The following GCNT3 variants were observed in gnomAD, a reference collection of about 807,000 sequenced individuals.
GCNT3 encodes the protein beta-1,3-galactosyl-O-glycosyl-glycoprotein beta-1,6-N-acetylglucosaminyltransferase 3.
For synonymous variants in GCNT3, 269 were observed against 195.2 expected (o/e 1.38, Z -3.15); for missense variants, 708 against 530.3 (o/e 1.34, Z -3.29).
At chr15:59,613,472 G>A (rs551691661) in intron 1 of GCNT3, among the ~76,000 whole-genome samples, 6 of 151,036 alleles carry the variant, frequency 4.0e-5, no homozygotes, top group African/African-American at 1.2e-4. Flanking sequence ...AGGCTGAGGC[G>A]GGGAGATTGC....
At position 59,620,639 on chromosome 15, in the gene GCNT3, C is replaced by G. The variant is rs1336160984; in HGVS notation, c.*1084C>G. On this transcript the variant is annotated 3_prime_UTR_variant, in exon 3 of 3. Coordinates refer to ENST00000396065, the MANE Select transcript of GCNT3 (RefSeq NM_004751.3). Reference sequence around the variant, plus strand: ...GTACTCTTACAGGAAAATCGCAGCACTAATTCTAATTTTGTCCACTTTACA... The same window carrying G: ...GTACTCTTACAGGAAAATCGCAGCAGTAATTCTAATTTTGTCCACTTTACA... The G allele has an allele frequency of 6.0e-6, 1 of 166,944 alleles. No individual in the cohort carries two copies. Among genetic ancestry groups the G allele is most frequent in the African/African-American group, 2.4e-5 (1 of 41,384 alleles). 10.3% of individuals were successfully genotyped at this position (166,944 alleles called of 1,614,324 possible).
intron 1 of GCNT3, among the ~76,000 whole-genome samples, chr15:59,614,888 G>T (rs1228026936): frequency 6.6e-6 from 1 of 152,130 alleles, no homozygotes; most frequent in Non-Finnish European, 1.5e-5. Context: ...TCTTGTCTTT[G>T]CTGTGGCTTC....
intron 1 of GCNT3, among the ~76,000 whole-genome samples, chr15:59,612,830 C>A (rs1271577187): frequency 6.6e-6 from 1 of 152,120 alleles, no homozygotes; most frequent in Admixed American, 6.6e-5. Context: ...TGCAGCTCAT[C>A]CCTGGTCTTA....
At chr15:59,612,865 C>T (rs2082702568) in intron 1 of GCNT3, among the ~76,000 whole-genome samples, 1 of 152,060 alleles carries the variant, frequency 6.6e-6, no homozygotes, top group Non-Finnish European at 1.5e-5. Flanking sequence ...CTGAGGGTGA[C>T]AACTTACAAT....
intron 1 of GCNT3, chr15:59,615,357 C>T (rs1258633760): frequency 6.6e-6 from 1 of 152,158 alleles, no homozygotes; most frequent in Non-Finnish European, 1.5e-5. Context: ...CTCCTGTGAG[C>T]TCAGAGACCT....
At position 59,616,813 on chromosome 15, in the gene GCNT3, G is replaced by A. The variant is rs554206473; in HGVS notation, c.-129G>A. The A allele has an allele frequency of 6.6e-6, 1 of 152,334 alleles. No homozygotes were observed. The highest frequency in any genetic ancestry group is 6.5e-5 in the Admixed American group (1 of 15,310). The allele number at this position is 152,334 out of a possible 1,614,324, so 9.4% of individuals were successfully genotyped here. On this transcript the variant is annotated 5_prime_UTR_variant, in exon 2 of 3. Transcript: ENST00000396065. Reference sequence around the variant, plus strand: ...CATTTGCTGCCACGGAACACCGCCAGTCTTCACTTGGAAACAGAATCACGC... The same window carrying A: ...CATTTGCTGCCACGGAACACCGCCAATCTTCACTTGGAAACAGAATCACGC...
intron 1 of GCNT3, among the ~76,000 whole-genome samples, chr15:59,614,884 C>G (rs1479543340): frequency 6.6e-6 from 1 of 152,146 alleles, no homozygotes; most frequent in African/African-American, 2.4e-5. Context: ...ACTTTCTTGT[C>G]TTTGCTGTGG....
Position 59,622,536 on chromosome 15 carries a change from A to T in GCNT3, c.*2981A>T, listed in dbSNP as rs1890958162. On this transcript the variant is annotated 3_prime_UTR_variant, in exon 3 of 3. Transcript: ENST00000396065. ...CGGCCTCCCCCTGCTGGCTGATGTG[A>T]TGGTCCTTGGTCCTCCTCTGAAGGA... The T allele has an allele frequency of 6.6e-6, 1 of 152,032 alleles. No homozygotes were observed. Among genetic ancestry groups the T allele is most frequent in the Non-Finnish European group, 1.5e-5 (1 of 68,028 alleles). 9.4% of individuals were successfully genotyped at this position (152,032 alleles called of 1,614,324 possible).
At position 59,617,170 on chromosome 15, in the gene GCNT3, C is replaced by CTTTTTTTTTTT. The variant is rs373439386; in HGVS notation, c.-61+292_-61+293insTTTTTTTTTTT. On this transcript the variant is annotated intron_variant, in intron 2 of 2. Transcript: ENST00000396065. ...TTTTTCTTTATTTTTCTTTTGTTTT[C>CTTTTTTTTTTT]TTTCTTTCTTTTTTTTTTTTTAAAG... Among the ~76,000 whole-genome samples the CTTTTTTTTTTT allele has an allele frequency of 1.2e-3, 100 of 82,196 alleles. 2 individuals carry two copies. Among genetic ancestry groups the CTTTTTTTTTTT allele is most frequent in the Non-Finnish European group, 1.7e-3 (68 of 40,164 alleles). The allele number at this position is 82,196 out of a possible 152,430, so 53.9% of individuals were successfully genotyped here. A position where few individuals can be genotyped will look rare whatever the true frequency, so the allele number is the denominator to read the frequency against.
chr15:59,611,883 C>T lies in GCNT3; in HGVS notation c.-349C>T, dbSNP rs1454488851. 1 of 152,188 alleles carries T rather than the reference C, an allele frequency of 6.6e-6. No individual in the cohort carries two copies. The highest frequency in any genetic ancestry group is 1.5e-5 in the Non-Finnish European group (1 of 68,064). 9.4% of individuals were successfully genotyped at this position (152,188 alleles called of 1,614,324 possible). The stretch of plus-strand genomic sequence containing the variant: ...TGTTCTGGGAAGCCCTGGGATTCTG[C>T]TAATACCTATCACTGTAGGTGCTGA... On this transcript the variant is annotated 5_prime_UTR_variant, in exon 1 of 3. Coordinates refer to ENST00000396065, the MANE Select transcript of GCNT3 (RefSeq NM_004751.3).
At position 59,621,677 on chromosome 15, in the gene GCNT3, C is replaced by A. The variant is rs376746653; in HGVS notation, c.*2122C>A. 12 of 127,222 alleles carry A rather than the reference C, an allele frequency of 9.4e-5. 1 individual carries two copies. Among genetic ancestry groups the A allele is most frequent in the African/African-American group, 3.0e-4 (10 of 33,646 alleles). The allele number at this position is 127,222 out of a possible 1,614,324, so 7.9% of individuals were successfully genotyped here. On this transcript the variant is annotated 3_prime_UTR_variant, in exon 3 of 3. Coordinates refer to ENST00000396065, the MANE Select transcript of GCNT3 (RefSeq NM_004751.3). ...ATGGCGCAATCTTGGCTCATTACAA[C>A]CTCCGCCTCCTGGGTCCAAGCGATT...
At chr15:59,614,389 C>T (rs537373335) in intron 1 of GCNT3, among the ~76,000 whole-genome samples, 2 of 151,536 alleles carry the variant, frequency 1.3e-5, no homozygotes, top group Non-Finnish European at 2.9e-5. Flanking sequence ...CAGGGCGAGT[C>T]CGTAAAGTGA....
In GCNT3 at chr15:59,619,088, G is replaced by T; in HGVS notation, c.850G>T (p.Asp284Tyr). The T allele has an allele frequency of 6.2e-7, 1 of 1,614,042 alleles. No individual in the cohort carries two copies. ...ATTACACCTAACCAACAAGAAGAAG[G>T]ATCCTCCCCCTTATAATTTAACTAT... ...DTLHLTNKKK[D>Y]PPPYNLTMFT... The change falls in exon 3 of 3, where the codon GAT becomes TAT. Residue 284 changes from aspartate (D) to tyrosine (Y), a missense_variant. Transcript: ENST00000396065.
chr15:59,619,550 C>T lies in GCNT3; in HGVS notation c.1312C>T (p.Leu438Phe). The T allele has an allele frequency of 1.9e-6, 3 of 1,562,270 alleles. No homozygotes were observed. The South Asian group carries it at 3.5e-5, about 18-fold the overall frequency. ...TTATAAGGCCATCTATGGGACTGAACTTTGAGACACACTATGAGAGCGTTG... is the reference window on the plus strand; with the variant it reads ...TTATAAGGCCATCTATGGGACTGAATTTTGAGACACACTATGAGAGCGTTG... ...LRYKAIYGTE[L>F] is the part of the protein sequence containing the mutation. The change falls in exon 3 of 3, where the codon CTT (leucine) becomes TTT (phenylalanine). Residue 438 changes from leucine (L) to phenylalanine (F), a missense_variant. Physicochemically the swap from Leu to Phe is conservative, Grantham distance 22. Transcript: ENST00000396065.
chr15:59,617,175 T>G (rs1325617397), intron 2 of GCNT3, among the ~76,000 whole-genome samples: 10 of 118,026 alleles, frequency 8.5e-5, no homozygotes, highest in African/African-American at 3.1e-4. Flanking sequence ...GTTTTCTTTC[T>G]TTCTTTTTTT....
At position 59,618,337 on chromosome 15, in the gene GCNT3, G is replaced by A. The variant is rs752679149; in HGVS notation, c.99G>A (p.Leu33=). ...ATVALKLSFR[L]KCDSDHLGLE... ...TGGCTCTGAAACTTTCTTTCAGGTT[G>A]AAGTGTGACTCTGACCACTTGGGTC... The change falls in exon 3 of 3, where the codon TTG becomes TTA. Residue 33 remains leucine (L), a synonymous_variant. Coordinates refer to ENST00000396065, the MANE Select transcript of GCNT3 (RefSeq NM_004751.3). The A allele has an allele frequency of 1.9e-6, 3 of 1,613,932 alleles. No homozygotes were observed. Among genetic ancestry groups the A allele is most frequent in the Admixed American group, 1.7e-5 (1 of 60,012 alleles).
chr15:59,613,932 G>A (rs961265547), intron 1 of GCNT3, among the ~76,000 whole-genome samples: 1 of 152,138 alleles, frequency 6.6e-6, no homozygotes, highest in Non-Finnish European at 1.5e-5. Flanking sequence ...TGGAAGGATG[G>A]CTTGAACCCA....
chr15:59,618,210 G>A lies in GCNT3; in HGVS notation c.-29G>A, dbSNP rs373326206. ...GTCCTCCTCCACCTTCCCTGTGCTCGGTCTCCACCTGTCTCCCATTCTGTG... is the reference window on the plus strand; with the variant it reads ...GTCCTCCTCCACCTTCCCTGTGCTCAGTCTCCACCTGTCTCCCATTCTGTG... On this transcript the variant is annotated 5_prime_UTR_variant, in exon 3 of 3. Transcript: ENST00000396065. 2.1e-5 allele frequency: 27 copies of A among 1,281,450 alleles called. No homozygotes were observed. The highest frequency in any genetic ancestry group is 4.5e-5 in the African/African-American group (3 of 67,392). 79.4% of individuals were successfully genotyped at this position (1,281,450 alleles called of 1,614,324 possible). A position where few individuals can be genotyped will look rare whatever the true frequency, so the allele number is the denominator to read the frequency against.
At position 59,620,849 on chromosome 15, in the gene GCNT3, T is replaced by G. The variant is rs914191292; in HGVS notation, c.*1294T>G. 1 of 163,750 alleles carries G rather than the reference T, an allele frequency of 6.1e-6. No individual in the cohort carries two copies. The highest frequency in any genetic ancestry group is 1.5e-5 in the Non-Finnish European group (1 of 67,944). The allele number at this position is 163,750 out of a possible 1,614,324, so 10.1% of individuals were successfully genotyped here. On this transcript the variant is annotated 3_prime_UTR_variant, in exon 3 of 3. Transcript: ENST00000396065. ...ACCAGGATGTCTTATTATTCCATGT[T>G]TAGGCCTCTTGAGTCAAAACTCTTT...
Sources: allele counts gnomAD v4.1 joint callset (sites outside exome capture counted in the v4.1 genomes callset), GRCh38; gene constraint gnomAD v4.1.1; transcripts MANE v1.5; gene names NCBI Gene and HGNC (gene_info 2026-07-23, HGNC 2026-07-21).